RBFOX1: variants seen among roughly 807,000 people sequenced by gnomAD.
The protein encoded by RBFOX1 is RNA binding fox-1 homolog 1.
Under a neutral mutation model 57.7 loss-of-function variants are expected in RBFOX1, and 8 were observed. That is an observed-to-expected ratio of 0.14 (90% CI 0.08 to 0.25). The LOEUF (loss-of-function observed/expected upper bound fraction) is 0.25, where lower values mean the gene tolerates loss of function less well. RBFOX1 is among the 10% of genes least tolerant of loss of function. The probability of loss-of-function intolerance (pLI) is 1.00; values close to 1 mark genes in which losing one functional copy is unlikely to be tolerated. For missense variants in RBFOX1, 611 were observed against 548.5 expected, an observed-to-expected ratio of 1.11 and a Z score of -1.14; for synonymous variants, 326 against 222.4, an observed-to-expected ratio of 1.47 and a Z score of -4.15.
chr16:6,879,235 T>C (rs1442606661), intron 3 of RBFOX1, among the ~76,000 whole-genome samples: 1 of 152,222 alleles, frequency 6.6e-6, no homozygotes. Flanking sequence ...GAATTGATTT[T>C]TATGGAATTG....
At chr16:6,875,148 T>C (rs143234813) in intron 3 of RBFOX1, among the ~76,000 whole-genome samples, 6 of 152,200 alleles carry the variant, frequency 3.9e-5, no homozygotes, top group Non-Finnish European at 7.3e-5. Flanking sequence ...TTTAATCATA[T>C]AATGCCTACA....
intron 2 of RBFOX1, chr16:5,598,805 A>C: frequency 1.1e-6 from 1 of 925,118 alleles, no homozygotes; most frequent in Non-Finnish European, 1.6e-6. Context: ...GTGGTGAGAC[A>C]TTCTGGGTTG....
chr16:7,445,377 C>G (rs556056866), intron 4 of RBFOX1, among the ~76,000 whole-genome samples: 1 of 152,292 alleles, frequency 6.6e-6, no homozygotes. Flanking sequence ...GTCTCCAGTA[C>G]CCTTATGCAC....
intron 4 of RBFOX1, among the ~76,000 whole-genome samples, chr16:7,201,248 C>G (rs1022010068): frequency 6.6e-6 from 1 of 152,106 alleles, no homozygotes; most frequent in African/African-American, 2.4e-5. Context: ...ATGCCAGATA[C>G]CAAAGTGAGC....
At chr16:6,642,220 G>A (rs1319604681) in intron 2 of RBFOX1, among the ~76,000 whole-genome samples, 4 of 152,158 alleles carry the variant, frequency 2.6e-5, no homozygotes, top group Non-Finnish European at 5.9e-5. Flanking sequence ...ACACAAACTT[G>A]CTGAGAGTTT....
chr16:7,505,681 C>T (rs1402740576), intron 4 of RBFOX1, among the ~76,000 whole-genome samples: 2 of 152,158 alleles, frequency 1.3e-5, no homozygotes, highest in Non-Finnish European at 2.9e-5. Context: ...AAGTCGACCG[C>T]CCACTCGGTT....
chr16:6,848,840 A>G (rs2093909908), intron 3 of RBFOX1, among the ~76,000 whole-genome samples: 1 of 152,216 alleles, frequency 6.6e-6, no homozygotes. Flanking sequence ...AGTGTCAGGG[A>G]TAATGACCCA....
chr16:5,997,652 A>G (rs1246379591), intron 4 of RBFOX1, among the ~76,000 whole-genome samples: 4 of 152,208 alleles, frequency 2.6e-5, no homozygotes, highest in Non-Finnish European at 5.9e-5. Context: ...GGAAAACAAA[A>G]TATTGATTTC....
intron 1 of RBFOX1, among the ~76,000 whole-genome samples, chr16:6,020,314 C>A (rs957135414): frequency 6.6e-6 from 1 of 152,048 alleles, no homozygotes; most frequent in African/African-American, 2.4e-5. Context: ...CCAGGAGCAG[C>A]GGGAGCCTGC....
intron 3 of RBFOX1, among the ~76,000 whole-genome samples, chr16:6,948,914 G>A (rs2080128164): frequency 6.6e-6 from 1 of 152,162 alleles, no homozygotes; most frequent in Non-Finnish European, 1.5e-5. Flanking sequence ...CAATGAGGAA[G>A]GGAGAGTGGG....
intron 4 of RBFOX1, among the ~76,000 whole-genome samples, chr16:7,463,019 A>G (rs2150598973): frequency 6.6e-6 from 1 of 152,294 alleles, no homozygotes; most frequent in East Asian, 1.9e-4. Context: ...TGCCATAACT[A>G]AATGCCAAAA....
intron 2 of RBFOX1, among the ~76,000 whole-genome samples, chr16:6,617,405 A>G (rs1253433218): frequency 4.0e-5 from 6 of 151,866 alleles, no homozygotes; most frequent in Admixed American, 3.3e-4. Flanking sequence ...GAATTATGAC[A>G]CTCATGCAGA....
At chr16:6,480,731 A>G (rs77018013) in intron 2 of RBFOX1, among the ~76,000 whole-genome samples, 7,040 of 152,134 alleles carry the variant, frequency 0.046, 253 homozygotes, top group Middle Eastern at 0.099. Context: ...GTCATTTAAA[A>G]CTTGTATTTT....
intron 3 of RBFOX1, among the ~76,000 whole-genome samples, chr16:5,819,426 C>T (rs997625029): frequency 6.6e-6 from 1 of 152,194 alleles, no homozygotes; most frequent in Non-Finnish European, 1.5e-5. Context: ...TGCCTCTCTG[C>T]TTCCATCTAT....
intron 4 of RBFOX1, among the ~76,000 whole-genome samples, chr16:7,450,249 C>A (rs2098841022): frequency 6.6e-6 from 1 of 151,924 alleles, no homozygotes; most frequent in Non-Finnish European, 1.5e-5. Flanking sequence ...CAAAAATTAG[C>A]TGGGCATGGT....
At chr16:5,388,123 G>T (rs2066304863) in intron 1 of RBFOX1, among the ~76,000 whole-genome samples, 1 of 152,152 alleles carries the variant, frequency 6.6e-6, no homozygotes, top group Non-Finnish European at 1.5e-5. Flanking sequence ...TCAGACTTCT[G>T]ACCTCCAGAA....
intron 1 of RBFOX1, among the ~76,000 whole-genome samples, chr16:5,372,232 G>T (rs964804501): frequency 6.6e-6 from 1 of 152,158 alleles, no homozygotes; most frequent in Non-Finnish European, 1.5e-5. Flanking sequence ...TCTCGGAAGG[G>T]TTTCACGGGT....
chr16:5,539,784 C>G (rs566971657), intron 2 of RBFOX1, among the ~76,000 whole-genome samples: 1 of 152,064 alleles, frequency 6.6e-6, no homozygotes, highest in Non-Finnish European at 1.5e-5. Flanking sequence ...TGCTTAGATG[C>G]CTATTTTTTT....
intron 14 of RBFOX1, among the ~76,000 whole-genome samples, chr16:7,702,511 A>G (rs2081082562): frequency 6.6e-6 from 1 of 152,208 alleles, no homozygotes; most frequent in South Asian, 2.1e-4. Context: ...TGGAAAACAT[A>G]AATGCCCATA....
Sources: gnomAD v4.1 joint callset for allele counts (sites outside exome capture counted in the v4.1 genomes callset) on GRCh38, gnomAD v4.1.1 for gene constraint, MANE v1.5 for transcripts, NCBI Gene and HGNC (gene_info 2026-07-23, HGNC 2026-07-21) for gene names.